ADA2: variants seen among roughly 807,000 people sequenced by gnomAD.
ADA2 encodes the protein adenosine deaminase CECR1.
A neutral mutation model predicts 44.2 loss-of-function variants in ADA2; 29 were observed. That is an observed-to-expected ratio of 0.66 (90% confidence interval 0.49 to 0.89). The LOEUF is 0.89. Among genes scored for constraint, ADA2 ranks in the 40% least tolerant of loss-of-function variants. The pLI is 0.00. For missense variants in ADA2, 637 were observed against 644.8 expected (o/e 0.99, Z 0.13); for synonymous variants, 215 against 234.9 (o/e 0.92, Z 0.77).
chr22:17,187,426 C>G (rs540230132), intron 7 of ADA2, among the ~76,000 whole-genome samples: 3 of 151,922 alleles, frequency 2.0e-5, no homozygotes, highest in African/African-American at 7.3e-5. Context: ...GTAGGTGGGA[C>G]CACAGGTGTG....
intron 4 of ADA2, among the ~76,000 whole-genome samples, chr22:17,196,712 C>A (rs1054555963): frequency 6.6e-6 from 1 of 152,156 alleles, no homozygotes; most frequent in Admixed American, 6.6e-5. Flanking sequence ...AATATTAATT[C>A]AAGGAGAGTG....
At chr22:17,194,019 G>GAAAAAA (rs34572644) in intron 4 of ADA2, among the ~76,000 whole-genome samples, 1 of 123,048 alleles carries the variant, frequency 8.1e-6, no homozygotes, top group Non-Finnish European at 1.7e-5. Flanking sequence ...AAAAAGGAAT[G>GAAAAAA]AAAAAAAAAA....
At chr22:17,199,926 G>A in intron 4 of ADA2, 1 of 350,374 alleles carries the variant, frequency 2.9e-6, no homozygotes, top group Non-Finnish European at 5.1e-6. Flanking sequence ...CAGGCGCGGT[G>A]GCTCACGCCT....
chr22:17,200,330 T>G (rs1355771954), intron 4 of ADA2, among the ~76,000 whole-genome samples: 1 of 152,168 alleles, frequency 6.6e-6, no homozygotes, highest in Non-Finnish European at 1.5e-5. Context: ...CAATAAAAGA[T>G]GAGACCCTCT....
At chr22:17,221,088 A>G (rs2062519415), upstream of ADA2, among the ~76,000 whole-genome samples, 1 of 151,868 alleles carries the variant, frequency 6.6e-6, no homozygotes, top group South Asian at 2.1e-4. Context: ...GGTTGCAGTG[A>G]GCTGAGATTG....
At chr22:17,182,321 T>C (rs2061981406) in intron 8 of ADA2, among the ~76,000 whole-genome samples, 1 of 152,144 alleles carries the variant, frequency 6.6e-6, no homozygotes, top group Non-Finnish European at 1.5e-5. Context: ...CAGCATCCCA[T>C]GGTCCGTCCC....
intron 4 of ADA2, among the ~76,000 whole-genome samples, chr22:17,202,720 C>T (rs1297096297): frequency 1.3e-5 from 2 of 152,148 alleles, no homozygotes; most frequent in Non-Finnish European, 2.9e-5. Context: ...TCAGCCAAAC[C>T]TGGCTCCAAT....
chr22:17,221,805 G>A (rs1359631616), upstream of ADA2: 2 of 152,186 alleles, frequency 1.3e-5, no homozygotes, highest in Non-Finnish European at 2.9e-5. Flanking sequence ...AGAGGTGCAG[G>A]GGCACCTCAT....
chr22:17,186,223 T>G (rs1402358994), intron 7 of ADA2, among the ~76,000 whole-genome samples: 4 of 152,182 alleles, frequency 2.6e-5, no homozygotes, highest in Non-Finnish European at 5.9e-5. Context: ...GCAGATCAGT[T>G]AACCTCTCAA....
intron 1 of ADA2, among the ~76,000 whole-genome samples, chr22:17,214,579 C>T (rs1251647357): frequency 2.0e-5 from 3 of 152,224 alleles, no homozygotes; most frequent in African/African-American, 7.2e-5. Context: ...CAGAGCTCCG[C>T]AGGACCCAGC....
chr22:17,213,889 A>C (rs1399363302), intron 1 of ADA2: 1 of 298,498 alleles, frequency 3.4e-6, no homozygotes, highest in Non-Finnish European at 6.5e-6. Context: ...AATACAAAAA[A>C]TTAGCTGGGC....
chr22:17,182,879 C>A lies in ADA2; in HGVS notation c.1082-118G>T, dbSNP rs73385934. The A allele has an allele frequency of 2.1e-4, 206 of 982,664 alleles. No homozygotes were observed. In the African/African-American group the frequency reaches 3.0e-3, roughly 14 times the overall value. 60.9% of individuals were successfully genotyped at this position (982,664 alleles called of 1,614,324 possible). ...CCTCAAATAAACAGCCCCCCAAGCACAAAAATGAAGAGAAATTAACATTAA... is the reference window on the plus strand; with the variant it reads ...CCTCAAATAAACAGCCCCCCAAGCAAAAAAATGAAGAGAAATTAACATTAA... On this transcript the variant is annotated intron_variant, in intron 7 of 9. Transcript: ENST00000399837.
chr22:17,202,224 G>A (rs8142759), intron 4 of ADA2, among the ~76,000 whole-genome samples: 13,267 of 151,734 alleles, frequency 0.087, 643 homozygotes, highest in Middle Eastern at 0.15. Flanking sequence ...CCACCTCCCA[G>A]GTTCAAGCAA....
At chr22:17,202,368 C>T (rs1231004989) in intron 4 of ADA2, among the ~76,000 whole-genome samples, 3 of 152,096 alleles carry the variant, frequency 2.0e-5, no homozygotes, top group East Asian at 1.9e-4. Context: ...CCTCGTGATC[C>T]GCCTGCCTCA....
chr22:17,207,418 A>G (rs2062367214), intron 2 of ADA2, 128 bp from the exon 3 acceptor site: 2 of 649,802 alleles, frequency 3.1e-6, no homozygotes, highest in Non-Finnish European at 5.3e-6. Context: ...AAAGGGGTGA[A>G]GTCCCATCCC....
intron 7 of ADA2, among the ~76,000 whole-genome samples, chr22:17,187,153 C>T (rs1369069207): frequency 1.5e-5 from 2 of 133,360 alleles, no homozygotes; most frequent in African/African-American, 5.7e-5. Context: ...GGCCACAGAG[C>T]GAGACTCCAT....
chr22:17,193,424 T>C (rs2062148780), intron 4 of ADA2: 1 of 373,350 alleles, frequency 2.7e-6, no homozygotes, highest in South Asian at 2.8e-5. Flanking sequence ...CCCAGCACTT[T>C]GGGCGGTCGA....
At chr22:17,195,911 C>A (rs1448748376) in intron 4 of ADA2, among the ~76,000 whole-genome samples, 4 of 151,940 alleles carry the variant, frequency 2.6e-5, no homozygotes, top group Non-Finnish European at 5.9e-5. Flanking sequence ...CCACGCCTGG[C>A]TATTTTTTTG....
rs1232545484 is a variant in ADA2 at position 17,203,553 on chromosome 22, C to G, written c.753+10G>C. On this transcript the variant is annotated intron_variant, in intron 4 of 9. Coordinates refer to ENST00000399837, the MANE Select transcript of ADA2 (RefSeq NM_001282225.2). ...GAGGTGGGAGGAACAGAGAGGAGAG[C>G]TGGGCTCACCGGCAGCAGCCTGGCT... 1 of 1,608,498 alleles carries G rather than the reference C, an allele frequency of 6.2e-7. No homozygotes were observed. Among genetic ancestry groups the G allele is most frequent in the East Asian group, 2.2e-5 (1 of 44,862 alleles).
Sources: gnomAD v4.1 joint callset for allele counts (sites outside exome capture counted in the v4.1 genomes callset) on GRCh38, gnomAD v4.1.1 for gene constraint, MANE v1.5 for transcripts, NCBI Gene and HGNC (gene_info 2026-07-23, HGNC 2026-07-21) for gene names.